The following TMEM117 variants were observed in gnomAD, a reference collection of about 807,000 sequenced individuals.
The protein encoded by TMEM117 is transmembrane protein 117.
TMEM117 carries 27 observed loss-of-function variants against 52.4 expected under a neutral mutation model. The observed-to-expected ratio is 0.51, with a 90% CI of 0.38 to 0.71. The LOEUF (loss-of-function observed/expected upper bound fraction) is 0.71, where lower values mean the gene tolerates loss of function less well. Among genes scored for constraint, TMEM117 ranks in the 30% least tolerant of loss-of-function variants. The probability of loss-of-function intolerance (pLI) is 0.00; values close to 1 mark genes in which losing one functional copy is unlikely to be tolerated. For missense variants in TMEM117, 556 were observed against 630.5 expected (o/e 0.88, Z 1.26); for synonymous variants, 215 against 206.3 (o/e 1.04, Z -0.36).
chr12:44,307,322 A>G (rs1420665529), intron 6 of TMEM117, among the ~76,000 whole-genome samples: 1 of 152,222 alleles, frequency 6.6e-6, no homozygotes, highest in Admixed American at 6.5e-5. Context: ...AGAAAGAAAG[A>G]TTTGTTTAAA....
At chr12:43,821,281 T>G in the TMEM117 span, among the ~76,000 whole-genome samples, 2 of 152,094 alleles carry the variant, frequency 1.3e-5, no homozygotes, top group Non-Finnish European at 2.9e-5. Flanking sequence ...AAAATACACA[T>G]AAGCACATGG....
At chr12:44,288,586 ATC>A (rs1480007596) in intron 5 of TMEM117, among the ~76,000 whole-genome samples, 1 of 152,146 alleles carries the variant, frequency 6.6e-6, no homozygotes, top group Non-Finnish European at 1.5e-5. Flanking sequence ...GGCCTCAGGA[ATC>A]TCTCACACAA....
chr12:44,327,343 T>C (rs552445296), intron 6 of TMEM117, among the ~76,000 whole-genome samples: 1 of 152,316 alleles, frequency 6.6e-6, no homozygotes, highest in East Asian at 1.9e-4. Context: ...AGGAAAAGAA[T>C]TAAACTTGTT....
chr12:43,803,760 T>C, the TMEM117 span, among the ~76,000 whole-genome samples: 4 of 152,148 alleles, frequency 2.6e-5, no homozygotes, highest in African/African-American at 9.6e-5. Context: ...TGGTATTTTT[T>C]ATATAAGCAG....
intron 1 of TMEM117, among the ~76,000 whole-genome samples, chr12:43,843,354 C>G (rs534227034): frequency 6.6e-6 from 1 of 152,216 alleles, no homozygotes; most frequent in African/African-American, 2.4e-5. Context: ...AGTCCAAACC[C>G]CAGAATTAGA....
the TMEM117 span, among the ~76,000 whole-genome samples, chr12:43,804,974 C>T: frequency 1.1e-4 from 17 of 152,328 alleles, no homozygotes; most frequent in African/African-American, 4.1e-4. Context: ...TTCATCAATT[C>T]ACTTTCTGTA....
chr12:44,275,441 CT>C (rs1220108267), intron 5 of TMEM117, among the ~76,000 whole-genome samples: 3 of 152,050 alleles, frequency 2.0e-5, no homozygotes, highest in Non-Finnish European at 2.9e-5. Flanking sequence ...AATCCCACTA[CT>C]AGGTATATAT....
the TMEM117 span, among the ~76,000 whole-genome samples, chr12:43,824,341 G>A: frequency 1.3e-5 from 2 of 152,192 alleles, no homozygotes; most frequent in Non-Finnish European, 2.9e-5. Context: ...GTGATTAGGA[G>A]GGAATCTATC....
At chr12:44,215,882 A>G (rs1485884616) in intron 5 of TMEM117, among the ~76,000 whole-genome samples, 1 of 151,980 alleles carries the variant, frequency 6.6e-6, no homozygotes, top group African/African-American at 2.4e-5. Flanking sequence ...CCCCCCTCTG[A>G]TTACATGACT....
rs568565831 is a variant in TMEM117 at position 44,389,276 on chromosome 12, A to C, written c.*604A>C. 6.5e-6 allele frequency: 1 copy of C among 153,226 alleles called. No homozygotes were observed. Among genetic ancestry groups the C allele is most frequent in the Non-Finnish European group, 1.5e-5 (1 of 68,414 alleles). 9.5% of individuals were successfully genotyped at this position (153,226 alleles called of 1,614,324 possible). On this transcript the variant is annotated 3_prime_UTR_variant, in exon 8 of 8. Transcript: ENST00000266534. ...AAAATTCAGTAATAGGAGATCCATA[A>C]CCCAACATGGGTCACTACTCGTGAA... is the stretch of plus-strand genomic sequence containing the variant.
rs557181529 is a variant in TMEM117, at chr12:44,361,372, C to T, written c.769-15223C>T. ...AGAGCTTGAATGAGGAATGTATTCC[C>T]CAATGGGTCCATAGGGAACTTCTTT... On this transcript the variant is annotated intron_variant, in intron 6 of 7. Coordinates refer to ENST00000266534, the MANE Select transcript of TMEM117 (RefSeq NM_032256.3). Among the ~76,000 whole-genome samples the T allele has an allele frequency of 2.6e-5, 4 of 152,154 alleles. No individual in the cohort carries two copies. In the East Asian group the frequency reaches 7.8e-4, roughly 30 times the overall value.
At chr12:44,042,761 TACACACACACAC>T (rs61350418) in intron 3 of TMEM117, among the ~76,000 whole-genome samples, 1,630 of 132,134 alleles carry the variant, frequency 0.012, 28 homozygotes, top group African/African-American at 0.034. Context: ...CTTAATAAAC[TACACACACACAC>T]ACACACACAC....
chr12:44,309,252 C>T (rs1419277001), intron 6 of TMEM117, among the ~76,000 whole-genome samples: 1 of 152,054 alleles, frequency 6.6e-6, no homozygotes, highest in Admixed American at 6.6e-5. Context: ...CTTTAATTTG[C>T]CTAAGGTCAT....
At chr12:43,897,262 A>G (rs1423524996) in intron 2 of TMEM117, among the ~76,000 whole-genome samples, 2 of 151,234 alleles carry the variant, frequency 1.3e-5, no homozygotes, top group African/African-American at 4.9e-5. Context: ...AATTATTTCA[A>G]TTCTTTTCTT....
At chr12:43,864,758 A>C (rs1433934760) in intron 2 of TMEM117, among the ~76,000 whole-genome samples, 1 of 152,204 alleles carries the variant, frequency 6.6e-6, no homozygotes, top group Non-Finnish European at 1.5e-5. Context: ...GGGTTGGGCC[A>C]GATAAGAGAA....
At chr12:44,080,015 C>CAA (rs747963448) in intron 3 of TMEM117, among the ~76,000 whole-genome samples, 26 of 57,838 alleles carry the variant, frequency 4.5e-4, no homozygotes, top group South Asian at 5.7e-4. Flanking sequence ...AACTCCATCT[C>CAA]AAAAAAAAAA....
chr12:43,923,921 C>G (rs753135237), intron 2 of TMEM117, among the ~76,000 whole-genome samples: 3 of 152,070 alleles, frequency 2.0e-5, no homozygotes, highest in Non-Finnish European at 4.4e-5. Context: ...AGGAAGGAAA[C>G]ACAATTTATA....
intron 3 of TMEM117, among the ~76,000 whole-genome samples, chr12:43,996,718 C>A (rs1946037527): frequency 6.6e-6 from 1 of 152,108 alleles, no homozygotes; most frequent in African/African-American, 2.4e-5. Context: ...ATCCTTTCTT[C>A]TGTTGTCTAC....
intron 7 of TMEM117, among the ~76,000 whole-genome samples, chr12:44,384,390 C>G (rs1044981876): frequency 2.6e-5 from 4 of 152,188 alleles, no homozygotes; most frequent in Middle Eastern, 3.4e-3. Context: ...GGCAGCCTGG[C>G]TCACTGCATC....
Sources: gnomAD v4.1 joint callset for allele counts (sites outside exome capture counted in the v4.1 genomes callset) on GRCh38, gnomAD v4.1.1 for gene constraint, MANE v1.5 for transcripts, NCBI Gene and HGNC (gene_info 2026-07-23, HGNC 2026-07-21) for gene names.